The following PAXBP1 variants were observed in gnomAD, a reference collection of about 807,000 sequenced individuals.
PAXBP1 encodes PAX3 and PAX7 binding protein 1, also known as PAX3- and PAX7-binding protein 1.
In PAXBP1, 44 loss-of-function variants were observed where a neutral mutation model predicts 119.9. The observed-to-expected ratio is 0.37, with a 90% confidence interval of 0.29 to 0.47. The LOEUF is 0.47. Ranked by LOEUF, PAXBP1 falls within the 20% of genes least tolerant of loss-of-function variation. The pLI, the probability that PAXBP1 is intolerant of heterozygous loss-of-function variation, is 0.99. For missense variants in PAXBP1, 898 were observed against 1,134.1 expected (o/e 0.79, Z 2.99); for synonymous variants, 393 against 406.6 (o/e 0.97, Z 0.40).
At chr21:32,752,964 T>C (rs566450424) in intron 8 of PAXBP1, among the ~76,000 whole-genome samples, 1 of 152,156 alleles carries the variant, frequency 6.6e-6, no homozygotes, top group African/African-American at 2.4e-5. Flanking sequence ...AGTTTTTCAT[T>C]CATATTTCAA....
intron 1 of PAXBP1, among the ~76,000 whole-genome samples, chr21:32,770,346 G>A (rs2044316242): frequency 6.6e-6 from 1 of 152,092 alleles, no homozygotes; most frequent in Non-Finnish European, 1.5e-5. Context: ...ACCACAAGCT[G>A]ACATAGTGGT....
At chr21:32,764,309 G>A (rs2044201690) in intron 3 of PAXBP1, 39 bp downstream of exon 3, 2 of 1,583,442 alleles carry the variant, frequency 1.3e-6, no homozygotes, top group African/African-American at 1.4e-5. Flanking sequence ...CATTCTTGAG[G>A]GTTTAGTTTA....
At chr21:32,738,486 T>C in intron 15 of PAXBP1, 167 bp from the exon 16 acceptor site, 1 of 618,180 alleles carries the variant, frequency 1.6e-6, no homozygotes, top group South Asian at 2.2e-5. Flanking sequence ...ATGGTTACAT[T>C]TGAATATTCA....
At chr21:32,766,819 A>G (rs1408695143) in intron 2 of PAXBP1, among the ~76,000 whole-genome samples, 1 of 152,240 alleles carries the variant, frequency 6.6e-6, no homozygotes, top group Non-Finnish European at 1.5e-5. Flanking sequence ...CCATCCTGTC[A>G]GAAGCCCTCA....
At chr21:32,735,851 C>CTTT (rs2043685424) in intron 17 of PAXBP1, among the ~76,000 whole-genome samples, 1 of 152,232 alleles carries the variant, frequency 6.6e-6, no homozygotes, top group African/African-American at 2.4e-5. Context: ...TGTCTCATCT[C>CTTT]TTCTACAGAA....
At chr21:32,757,295 CTTTATT>C (rs1207524251) in intron 7 of PAXBP1, among the ~76,000 whole-genome samples, 3 of 151,278 alleles carry the variant, frequency 2.0e-5, no homozygotes, top group Non-Finnish European at 4.4e-5. Context: ...TTTGTTTTTT[CTTTATT>C]TTTAAGATTA....
chr21:32,744,709 G>T (rs2043846601), intron 13 of PAXBP1, 83 bp downstream of exon 13: 1 of 1,377,862 alleles, frequency 7.3e-7, no homozygotes, highest in Non-Finnish European at 9.7e-7. Flanking sequence ...ATTGGTTTAG[G>T]ATAACCACTC....
At chr21:32,739,965 AAAG>A (rs1365908836) in intron 15 of PAXBP1, among the ~76,000 whole-genome samples, 1 of 150,736 alleles carries the variant, frequency 6.6e-6, no homozygotes, top group Non-Finnish European at 1.5e-5. Context: ...AAAAAAAAAA[AAAG>A]GCAATTTGTT....
chr21:32,744,277 G>GAAAAAAAAAAAAAAAAAAAAAAAAAAA (rs1328463759), intron 13 of PAXBP1, among the ~76,000 whole-genome samples: 1 of 107,270 alleles, frequency 9.3e-6, no homozygotes, highest in Non-Finnish European at 2.0e-5. Flanking sequence ...AAAAAAAAAA[G>GAAAAAAAAAAAAAAAAAAAAAAAAAAA]AAAAAAAAAA....
chr21:32,742,875 A>G (rs564722728), intron 15 of PAXBP1: 8 of 368,230 alleles, frequency 2.2e-5, no homozygotes, highest in African/African-American at 1.3e-4. Context: ...ATGTATGTAG[A>G]GGAAAAAACA....
At chr21:32,744,093 A>C (rs1434649337) in intron 13 of PAXBP1, among the ~76,000 whole-genome samples, 1 of 152,100 alleles carries the variant, frequency 6.6e-6, no homozygotes, top group Non-Finnish European at 1.5e-5. Flanking sequence ...TGGCCCCTGA[A>C]GAGCATTAAC....
intron 6 of PAXBP1, 177 bp from the exon 7 acceptor site, chr21:32,759,446 A>C: frequency 1.4e-6 from 1 of 731,816 alleles, no homozygotes; most frequent in Non-Finnish European, 2.1e-6. Context: ...GGCAGTTTAC[A>C]GATTTCACAG....
intron 13 of PAXBP1, 92 bp from the exon 14 acceptor site, chr21:32,743,846 G>A (rs1050049768): frequency 1.4e-6 from 1 of 697,108 alleles, no homozygotes. Context: ...ATATTGAACT[G>A]AGTGAACTAG....
At chr21:32,740,157 T>C (rs1469864795) in intron 15 of PAXBP1, among the ~76,000 whole-genome samples, 1 of 152,110 alleles carries the variant, frequency 6.6e-6, no homozygotes, top group Non-Finnish European at 1.5e-5. Flanking sequence ...CAGAGATAGA[T>C]GCATATTCTG....
chr21:32,734,660 C>T lies in PAXBP1; in HGVS notation c.*290G>A, dbSNP rs577903328. On this transcript the variant is annotated 3_prime_UTR_variant, in exon 18 of 18. Coordinates refer to ENST00000331923, the MANE Select transcript of PAXBP1 (RefSeq NM_016631.4). ...GCATAATTACACAATTTACACTGCA[C>T]ACATCGTTTACAGGGGACAATTAAC... 2.0e-5 allele frequency: 8 copies of T among 398,170 alleles called. No individual in the cohort carries two copies. Among genetic ancestry groups the T allele is most frequent in the South Asian group, 1.8e-4 (7 of 39,646 alleles). The allele number at this position is 398,170 out of a possible 1,614,324, so 24.7% of individuals were successfully genotyped here.
At chr21:32,760,832 TTC>T (rs2044128139) in intron 5 of PAXBP1, among the ~76,000 whole-genome samples, 1 of 151,906 alleles carries the variant, frequency 6.6e-6, no homozygotes, top group Non-Finnish European at 1.5e-5. Context: ...TCCTCCATCA[TTC>T]TGACTGCAAA....
At chr21:32,761,991 G>T in intron 4 of PAXBP1, 105 bp downstream of exon 4, 1 of 1,156,696 alleles carries the variant, frequency 8.6e-7, no homozygotes, top group East Asian at 2.4e-5. Flanking sequence ...AGTGAGCTAT[G>T]ATTGTACCAC....
intron 8 of PAXBP1, chr21:32,752,069 G>T (rs1340080951): frequency 6.6e-6 from 1 of 152,216 alleles, no homozygotes; most frequent in Admixed American, 6.5e-5. Flanking sequence ...TTGCATACTT[G>T]TACCAGCACT....
rs2043661596 is a variant in PAXBP1 at position 32,734,297 on chromosome 21, T to C, written c.*653A>G. The C allele has an allele frequency of 6.5e-6, 1 of 152,746 alleles. No individual in the cohort carries two copies. The highest frequency in any genetic ancestry group is 1.5e-5 in the Non-Finnish European group (1 of 68,104). 9.5% of individuals were successfully genotyped at this position (152,746 alleles called of 1,614,324 possible). A position where few individuals can be genotyped will look rare whatever the true frequency, so the allele number is the denominator to read the frequency against. ...TATTTTCAAAAGTGAAATTTCTATG[T>C]TCCATTTGAAACTATGTTGCATATT... On this transcript the variant is annotated 3_prime_UTR_variant, in exon 18 of 18. Transcript: ENST00000331923.
Sources: allele counts gnomAD v4.1 joint callset (sites outside exome capture counted in the v4.1 genomes callset), GRCh38; gene constraint gnomAD v4.1.1; transcripts MANE v1.5; gene names NCBI Gene and HGNC (gene_info 2026-07-23, HGNC 2026-07-21).